Variants in FOXP2 observed in about 807,000 individuals in gnomAD.
The protein encoded by FOXP2 is forkhead box P2.
A neutral mutation model predicts 115.8 loss-of-function variants in FOXP2; 12 were observed. That is an observed-to-expected ratio of 0.10 (90% confidence interval 0.07 to 0.17). The LOEUF is 0.17. Among genes scored for constraint, FOXP2 ranks in the 10% least tolerant of loss-of-function variants. The pLI, the probability that FOXP2 is intolerant of heterozygous loss-of-function variation, is 1.00. For missense variants in FOXP2, 629 were observed against 843.5 expected (o/e 0.75, Z 3.15); for synonymous variants, 328 against 297.7 (o/e 1.10, Z -1.05).
chr7:114,214,697 C>T (rs1036633436), intron 1 of FOXP2, among the ~76,000 whole-genome samples: 1 of 152,068 alleles, frequency 6.6e-6, no homozygotes, highest in Admixed American at 6.6e-5. Context: ...TCACTGCCTT[C>T]CCCCCTTACT....
At chr7:114,651,858 T>C (rs1226950111) in intron 8 of FOXP2, among the ~76,000 whole-genome samples, 1 of 152,154 alleles carries the variant, frequency 6.6e-6, no homozygotes, top group Non-Finnish European at 1.5e-5. Flanking sequence ...CTCTTCAGAA[T>C]TGCTTTTGGT....
chr7:114,511,762 T>C (rs1048536391), intron 2 of FOXP2, among the ~76,000 whole-genome samples: 2 of 152,206 alleles, frequency 1.3e-5, no homozygotes, highest in African/African-American at 4.8e-5. Context: ...CAACCAACTT[T>C]TGCTTTCATT....
At chr7:114,559,994 C>T (rs1181280423) in intron 3 of FOXP2, among the ~76,000 whole-genome samples, 1 of 152,008 alleles carries the variant, frequency 6.6e-6, no homozygotes, top group Non-Finnish European at 1.5e-5. Context: ...TCAAATCCTT[C>T]AAATACCTAT....
rs529015070 is a variant in FOXP2 at position 114,578,532 on chromosome 7, C to A, written c.258+43826C>A. 2.0e-5 allele frequency among the ~76,000 whole-genome samples: 3 copies of A among 152,134 alleles called. No homozygotes were observed. In the East Asian group the frequency reaches 5.8e-4, roughly 29 times the overall value. ...GGGAGCTACTGATGATCTGACAGTTCTTTAGTCTTGACTCATGGTTCATAT... is the reference window on the plus strand; with the variant it reads ...GGGAGCTACTGATGATCTGACAGTTATTTAGTCTTGACTCATGGTTCATAT... On this transcript the variant is annotated intron_variant, in intron 3 of 16. Coordinates refer to ENST00000350908, the MANE Select transcript of FOXP2 (RefSeq NM_014491.4).
chr7:114,466,711 T>C (rs1417522504), intron 2 of FOXP2, among the ~76,000 whole-genome samples: 1 of 152,210 alleles, frequency 6.6e-6, no homozygotes, highest in African/African-American at 2.4e-5. Flanking sequence ...TCAGCTTTTA[T>C]TGCTTTCCAT....
intron 3 of FOXP2, among the ~76,000 whole-genome samples, chr7:114,605,311 T>G (rs1584944408): frequency 1.3e-5 from 2 of 152,284 alleles, no homozygotes; most frequent in East Asian, 3.9e-4. Context: ...AGCATTTGTG[T>G]GCATATTTTA....
chr7:114,519,747 T>A (rs1287426511), intron 2 of FOXP2, among the ~76,000 whole-genome samples: 1 of 152,070 alleles, frequency 6.6e-6, no homozygotes, highest in Non-Finnish European at 1.5e-5. Flanking sequence ...ATGGAATAGG[T>A]TTAATGTCTT....
chr7:114,150,310 A>G (rs116254296), intron 1 of FOXP2, among the ~76,000 whole-genome samples: 1 of 152,028 alleles, frequency 6.6e-6, no homozygotes, highest in African/African-American at 2.4e-5. Context: ...ATCAGTTTCT[A>G]TGTTGTGTTG....
At chr7:114,485,689 T>C (rs1796742392) in intron 2 of FOXP2, among the ~76,000 whole-genome samples, 1 of 152,156 alleles carries the variant, frequency 6.6e-6, no homozygotes, top group African/African-American at 2.4e-5. Context: ...TTGAACACCC[T>C]ACATTTTTGG....
intron 1 of FOXP2, among the ~76,000 whole-genome samples, chr7:114,224,099 C>G (rs551499745): frequency 3.7e-4 from 56 of 152,176 alleles, no homozygotes; most frequent in African/African-American, 1.3e-3. Context: ...TGTTCCTTCC[C>G]TGTTATACAT....
At chr7:114,260,433 G>A (rs1795720652) in intron 1 of FOXP2, among the ~76,000 whole-genome samples, 1 of 151,968 alleles carries the variant, frequency 6.6e-6, no homozygotes, top group Non-Finnish European at 1.5e-5. Flanking sequence ...ATGGGTCCTA[G>A]TAAGTTATTG....
intron 1 of FOXP2, among the ~76,000 whole-genome samples, chr7:114,201,841 C>T (rs1794075130): frequency 6.6e-6 from 1 of 152,102 alleles, no homozygotes; most frequent in Non-Finnish European, 1.5e-5. Flanking sequence ...GGCGCAGTTG[C>T]CTTGTGATAA....
rs115892807 is a variant in FOXP2 at position 114,325,846 on chromosome 7, A to C, written c.-11+37737A>C. On this transcript the variant is annotated intron_variant, in intron 2 of 17. Coordinates refer to the FOXP2 transcript ENST00000634411. ...TTATCTTATGAATGCTATGTATAAA[A>C]AAAATTTAAGCAGCTGCTAGATGGA... 5.2e-3 allele frequency among the ~76,000 whole-genome samples: 788 copies of C among 152,178 alleles called. 7 individuals carry two copies. Among genetic ancestry groups the C allele is most frequent in the African/African-American group, 0.017 (723 of 41,566 alleles).
intron 2 of FOXP2, among the ~76,000 whole-genome samples, chr7:114,486,374 T>C (rs2129240536): frequency 6.6e-6 from 1 of 152,206 alleles, no homozygotes; most frequent in East Asian, 1.9e-4. Context: ...CATGACTTAC[T>C]TACCCCCACC....
intron 1 of FOXP2, among the ~76,000 whole-genome samples, chr7:114,129,156 C>T (rs1445909242): frequency 1.3e-5 from 2 of 152,148 alleles, no homozygotes; most frequent in Non-Finnish European, 2.9e-5. Flanking sequence ...AAGACGATAC[C>T]TTAGGAATAA....
chr7:114,438,045 A>C (rs776174464), intron 2 of FOXP2, among the ~76,000 whole-genome samples: 1 of 152,210 alleles, frequency 6.6e-6, no homozygotes, highest in Non-Finnish European at 1.5e-5. Context: ...GGGTTAAATG[A>C]AATATATTAT....
At chr7:114,609,332 G>A (rs1333601666) in intron 3 of FOXP2, among the ~76,000 whole-genome samples, 1 of 151,986 alleles carries the variant, frequency 6.6e-6, no homozygotes, top group East Asian at 1.9e-4. Context: ...ATCTTAATGA[G>A]CAATGGGAAA....
chr7:114,109,216 T>TA (rs1791204184), intron 1 of FOXP2, among the ~76,000 whole-genome samples: 1 of 152,052 alleles, frequency 6.6e-6, no homozygotes, highest in African/African-American at 2.4e-5. Context: ...TGATGTATTT[T>TA]AAAATAGATT....
chr7:114,087,914 G>A (rs1799457546), intron 1 of FOXP2: 1 of 152,260 alleles, frequency 6.6e-6, no homozygotes, highest in Non-Finnish European at 1.5e-5. Flanking sequence ...ACGGGTGCAA[G>A]TCTGGGGATT....
Sources: allele counts gnomAD v4.1 joint callset (sites outside exome capture counted in the v4.1 genomes callset), GRCh38; gene constraint gnomAD v4.1.1; transcripts MANE v1.5; gene names NCBI Gene and HGNC (gene_info 2026-07-23, HGNC 2026-07-21).